The following PCDH1 variants were observed in gnomAD, a reference collection of about 807,000 sequenced individuals.
PCDH1 encodes protocadherin-1.
PCDH1 carries 23 observed loss-of-function variants against 74.6 expected under a neutral mutation model. The observed-to-expected ratio is 0.31, with a 90% CI of 0.22 to 0.44. The LOEUF (loss-of-function observed/expected upper bound fraction) is 0.44, where lower values mean the gene tolerates loss of function less well. Ranked by LOEUF, PCDH1 falls within the 20% of genes least tolerant of loss-of-function variation. The pLI is 1.00. For missense variants in PCDH1, 1,214 were observed against 1,641.4 expected (o/e 0.74, Z 4.50); for synonymous variants, 647 against 686.1 (o/e 0.94, Z 0.89).
intron 2 of PCDH1, among the ~76,000 whole-genome samples, chr5:141,867,898 G>A (rs533637139): frequency 3.6e-4 from 55 of 152,322 alleles, no homozygotes; most frequent in Middle Eastern, 3.4e-3. Flanking sequence ...GCTGCCTAGC[G>A]CCTGGGGCAG....
intron 1 of PCDH1, among the ~76,000 whole-genome samples, chr5:141,874,198 C>T (rs1341720189): frequency 6.6e-6 from 1 of 152,194 alleles, no homozygotes; most frequent in Non-Finnish European, 1.5e-5. Flanking sequence ...TAGGCTGCTG[C>T]TGTTCACCCA....
intron 3 of PCDH1, among the ~76,000 whole-genome samples, chr5:141,857,786 C>T (rs1191076829): frequency 6.6e-6 from 1 of 152,224 alleles, no homozygotes; most frequent in Non-Finnish European, 1.5e-5. Flanking sequence ...TGTTATAGCA[C>T]AACCCTTCTA....
Position 141,863,119 on chromosome 5 carries a change from A to G in PCDH1, c.3099+113T>C, listed in dbSNP as rs1044500119. 9.1e-6 allele frequency: 13 copies of G among 1,422,996 alleles called. No homozygotes were observed. Among genetic ancestry groups the G allele is most frequent in the Non-Finnish European group, 1.1e-5 (12 of 1,084,452 alleles). The allele number at this position is 1,422,996 out of a possible 1,614,324, so 88.1% of individuals were successfully genotyped here. On this transcript the variant is annotated intron_variant, in intron 3 of 4. Transcript: ENST00000287008. The surrounding 1 kb of genome is among the most constrained non-coding windows in gnomAD (Gnocchi z 7.5). ...CACTGCTGGCTCAGGCTGGCCCCCA[A>G]CACGGGCAGGCACAGTAAACCTGCT...
chr5:141,876,100 C>G lies in PCDH1; in HGVS notation c.40+2123G>C, dbSNP rs1355823764. Among the ~76,000 whole-genome samples, 3 of 152,210 alleles carry G rather than the reference C, an allele frequency of 2.0e-5. No individual in the cohort carries two copies. The South Asian group carries it at 6.2e-4, about 32-fold the overall frequency. On this transcript the variant is annotated intron_variant, in intron 1 of 4. Transcript: ENST00000287008. The stretch of plus-strand genomic sequence containing the variant: ...ACACCCAGCGCGCGGAGCGACTCCT[C>G]CCAGAGGACGCCGAGTGTGTGTGTG...
At chr5:141,866,365 C>T (rs375086416) in intron 2 of PCDH1, among the ~76,000 whole-genome samples, 36 of 152,350 alleles carry the variant, frequency 2.4e-4, no homozygotes, top group Admixed American at 1.5e-3. Context: ...CTGCAGTCAG[C>T]GGGCACACCC....
rs764566345 is a variant in PCDH1, at chr5:141,864,151, G to T, written c.2180C>A (p.Thr727Asn). ...CGTCTCACCAAGACGTGTCTGGGGG[G>T]TCAGCAGCTTGTGAGAGGTGTTAGA... is the stretch of plus-strand genomic sequence containing the variant. ...APSNTSHKLLTPQTRLGETVS... is the reference protein window; with the variant it reads ...APSNTSHKLLNPQTRLGETVS... The change falls in exon 3 of 5, where the codon ACC becomes AAC. Residue 727 changes from threonine (T) to asparagine (N), a missense_variant. Around this residue, in one of 4 missense-constraint regions of PCDH1, gnomAD observed 836 missense variants for 1,182.2 expected, o/e 0.71. Transcript: ENST00000287008. This position sits in a 1 kb window ranked among gnomAD's most constrained non-coding sequence, Gnocchi z 5.9. 1 of 1,608,694 alleles carries T rather than the reference G, an allele frequency of 6.2e-7. No individual in the cohort carries two copies. Among genetic ancestry groups the T allele is most frequent in the East Asian group, 2.2e-5 (1 of 44,758 alleles).
At position 141,863,276 on chromosome 5, in the gene PCDH1, C is replaced by A; in HGVS notation, c.3055G>T (p.Asp1019Tyr). The change falls in exon 3 of 5, where the codon GAC (aspartate) becomes TAC (tyrosine). Residue 1019 changes from aspartate to tyrosine, a missense_variant. Physicochemically the swap from Asp to Tyr is radical, Grantham distance 160. Transcript: ENST00000287008. This position sits in a 1 kb window ranked among gnomAD's most constrained non-coding sequence, Gnocchi z 7.5. ...GGGGGGTTGGTGCGGTAGCTGTAGT[C>A]GGAGTACTGCTCAGAGCCCGTGGAC... ...TTSTGSEQYSDYSYRTNPPKY... is the reference protein window; with the variant it reads ...TTSTGSEQYSYYSYRTNPPKY... 6.3e-7 allele frequency: 1 copy of A among 1,591,406 alleles called. No individual in the cohort carries two copies.
At position 141,868,597 on chromosome 5, in the gene PCDH1, T is replaced by A; in HGVS notation, c.875A>T (p.Asn292Ile). The A allele has an allele frequency of 2.6e-6, 4 of 1,564,092 alleles. No individual in the cohort carries two copies. ...GATGACCGAGTGGCCTATGGGGCTA[T>A]TCTCAGATAGTTCGGCCTCATAGGA... The part of the protein sequence containing the change: ...RPSYEAELSE[N>I]SPIGHSVIQV... Residue 292 changes from asparagine (N) to isoleucine (I), a missense_variant, in exon 2 of 5, where the codon AAT (asparagine) becomes ATT (isoleucine). By Grantham distance (149) the Asn-to-Ile change is moderately radical. Around this residue, in one of 4 missense-constraint regions of PCDH1, gnomAD observed 836 missense variants for 1,182.2 expected, o/e 0.71. Coordinates refer to ENST00000287008, the MANE Select transcript of PCDH1 (RefSeq NM_032420.5). This position sits in a 1 kb window ranked among gnomAD's most constrained non-coding sequence, Gnocchi z 4.8.
intron 1 of PCDH1, among the ~76,000 whole-genome samples, chr5:141,877,464 TG>T (rs1353601975): frequency 1.3e-5 from 2 of 152,100 alleles, no homozygotes; most frequent in Admixed American, 1.3e-4. Flanking sequence ...TAAAGGAATG[TG>T]GGGGGTGGCT....
In PCDH1 at chr5:141,864,931, T is replaced by C. The variant is rs1402149004; in HGVS notation, c.1400A>G (p.Glu467Gly). The C allele has an allele frequency of 6.2e-7, 1 of 1,614,036 alleles. No homozygotes were observed. Among genetic ancestry groups the C allele is most frequent in the Admixed American group, 1.7e-5 (1 of 59,994 alleles). The part of the protein sequence containing the change: ...FLQTTTPLDY[E>G]KVKDYTIEIV... ...CTCAATGGTGTAGTCTTTGACCTTC[T>C]CGTAGTCTAGCGGGGTGGTAGTCTG... Residue 467 changes from glutamate to glycine, a missense_variant, in exon 3 of 5, where the codon GAG becomes GGG. Glu to Gly is a moderately conservative substitution (Grantham distance 98). Around this residue, in one of 4 missense-constraint regions of PCDH1, gnomAD observed 836 missense variants for 1,182.2 expected, o/e 0.71. Transcript: ENST00000287008. The surrounding 1 kb of genome is among the most constrained non-coding windows in gnomAD (Gnocchi z 5.9).
chr5:141,872,721 A>G (rs1013679100), intron 1 of PCDH1, among the ~76,000 whole-genome samples: 1 of 152,122 alleles, frequency 6.6e-6, no homozygotes, highest in East Asian at 1.9e-4. Flanking sequence ...GCTCTTTCTC[A>G]CCCTGAGGAG....
intron 3 of PCDH1, among the ~76,000 whole-genome samples, chr5:141,861,336 G>A (rs989355199): frequency 2.0e-5 from 3 of 152,110 alleles, no homozygotes; most frequent in African/African-American, 4.8e-5. Flanking sequence ...GTGTGTTGAT[G>A]ATGACAACAG....
In PCDH1 at chr5:141,860,954, A is replaced by G. The variant is rs1251658704; in HGVS notation, c.3099+2278T>C. 7.2e-5 allele frequency among the ~76,000 whole-genome samples: 11 copies of G among 152,168 alleles called. No individual in the cohort carries two copies. In the East Asian group the frequency reaches 1.9e-3, roughly 27 times the overall value. ...AACATGGAGAAACCCTGTCTCTACT[A>G]AAAATACAAAATTAGCTGGGTGTGG... On this transcript the variant is annotated intron_variant, in intron 3 of 4. Transcript: ENST00000287008.
intron 3 of PCDH1, chr5:141,862,599 C>T: frequency 1.0e-6 from 1 of 983,932 alleles, no homozygotes; most frequent in Non-Finnish European, 1.2e-6. Flanking sequence ...CAAAGGGCTG[C>T]TTCCAGTCTC....
At chr5:141,867,732 C>A in intron 2 of PCDH1, 1 of 383,320 alleles carries the variant, frequency 2.6e-6, no homozygotes, top group South Asian at 2.0e-5. Flanking sequence ...GCCTCCTCAG[C>A]TCCCTCACAT....
chr5:141,867,963 A>T (rs896993755), intron 2 of PCDH1, among the ~76,000 whole-genome samples: 2 of 152,170 alleles, frequency 1.3e-5, no homozygotes, highest in African/African-American at 4.8e-5. Flanking sequence ...CCCCCCACTG[A>T]ACCCCACTGT....
chr5:141,873,449 A>C (rs1416176567), intron 1 of PCDH1, among the ~76,000 whole-genome samples: 2 of 138,538 alleles, frequency 1.4e-5, no homozygotes, highest in Admixed American at 1.5e-4. Context: ...GGTCCTGCAA[A>C]CGTTTTTTTT....
At chr5:141,856,088 G>A in intron 4 of PCDH1, 1 of 832,422 alleles carries the variant, frequency 1.2e-6, no homozygotes, top group South Asian at 1.6e-5. Flanking sequence ...AACCCTCAAA[G>A]TGCCAAGGCT....
At position 141,878,237 on chromosome 5, in the gene PCDH1, CGCCG is replaced by C. The variant is rs1406619130; in HGVS notation, c.22_25del (p.Arg8AlafsTer8). 2.2e-6 allele frequency: 3 copies of C among 1,378,870 alleles called. No homozygotes were observed. Among genetic ancestry groups the C allele is most frequent in the Non-Finnish European group, 2.8e-6 (3 of 1,067,308 alleles). The allele number at this position is 1,378,870 out of a possible 1,614,324, so 85.4% of individuals were successfully genotyped here. On this transcript the variant is annotated frameshift_variant, in exon 1 of 5. Transcript: ENST00000287008. LOFTEE classifies it high-confidence loss of function. The surrounding 1 kb of genome is among the most constrained non-coding windows in gnomAD (Gnocchi z 5.5). ...CGGATCCTTACCCGCCTCCGGGCAG[CGCCG>C]GCCGCCCGCCCCGCTGTCCATGAGC...
Sources: gnomAD v4.1 joint callset for allele counts (sites outside exome capture counted in the v4.1 genomes callset) on GRCh38, gnomAD v4.1.1 for gene constraint, gnomAD v4.1.1 regional missense constraint, Gnocchi (gnomAD v3.1) non-coding constraint, MANE v1.5 for transcripts, NCBI Gene and HGNC (gene_info 2026-07-23, HGNC 2026-07-21) for gene names.